The following XKR6 variants were observed in gnomAD, a reference collection of about 807,000 sequenced individuals.
XKR6 encodes XK-related protein 6.
Under a neutral mutation model 56.7 loss-of-function variants are expected in XKR6, and 22 were observed. The observed-to-expected ratio is 0.39, with a 90% CI of 0.28 to 0.55. The LOEUF is 0.55. Ranked by LOEUF, XKR6 falls within the 20% of genes least tolerant of loss-of-function variation. XKR6 has a pLI of 0.66. For missense variants in XKR6, 852 were observed against 889.0 expected (o/e 0.96, Z 0.53); for synonymous variants, 524 against 387.8 (o/e 1.35, Z -4.13).
At chr8:10,967,584 C>T (rs1051190083) in intron 1 of XKR6, among the ~76,000 whole-genome samples, 5 of 152,276 alleles carry the variant, frequency 3.3e-5, no homozygotes, top group East Asian at 1.9e-4. Flanking sequence ...GAGTGCCCAG[C>T]CCTGGAGCTG....
chr8:11,026,753 A>G (rs548355452), intron 1 of XKR6, among the ~76,000 whole-genome samples: 2,999 of 150,700 alleles, frequency 0.02, 101 homozygotes, highest in African/African-American at 0.069. Flanking sequence ...GGTCTAGCCT[A>G]CTACACATCT....
intron 1 of XKR6, among the ~76,000 whole-genome samples, chr8:10,999,238 T>A (rs1798185451): frequency 6.6e-6 from 1 of 152,230 alleles, no homozygotes; most frequent in Non-Finnish European, 1.5e-5. Flanking sequence ...GGCAACAAGT[T>A]GTATATCCAA....
intron 1 of XKR6, among the ~76,000 whole-genome samples, chr8:10,937,691 G>A (rs1294511427): frequency 1.4e-5 from 2 of 148,004 alleles, no homozygotes; most frequent in South Asian, 2.2e-4. Flanking sequence ...CTGCTGGGGG[G>A]TGCCTCCCAG....
At chr8:10,928,463 C>G (rs1800961172) in intron 1 of XKR6, among the ~76,000 whole-genome samples, 1 of 152,274 alleles carries the variant, frequency 6.6e-6, no homozygotes, top group Non-Finnish European at 1.5e-5. Context: ...CCCTAAACCC[C>G]TGGGCCAGCG....
intron 1 of XKR6, among the ~76,000 whole-genome samples, chr8:11,111,226 T>G (rs1798875838): frequency 6.6e-6 from 1 of 152,132 alleles, no homozygotes; most frequent in Non-Finnish European, 1.5e-5. Context: ...TCCCTTCCAT[T>G]CACACTGTCT....
intron 1 of XKR6, among the ~76,000 whole-genome samples, chr8:10,927,763 T>G (rs1800936735): frequency 6.6e-6 from 1 of 152,076 alleles, no homozygotes; most frequent in South Asian, 2.1e-4. Flanking sequence ...CTCCTGGGTG[T>G]GAGCACCCCA....
chr8:11,012,627 T>A (rs1173881305), intron 1 of XKR6, among the ~76,000 whole-genome samples: 1 of 99,496 alleles, frequency 1.0e-5, no homozygotes, highest in Non-Finnish European at 2.0e-5. Context: ...CCCCCTCACC[T>A]CCCCCTAGCT....
At chr8:11,030,079 C>G (rs1798957244) in intron 1 of XKR6, among the ~76,000 whole-genome samples, 1 of 152,166 alleles carries the variant, frequency 6.6e-6, no homozygotes, top group South Asian at 2.1e-4. Flanking sequence ...CTAGTATTCC[C>G]AGACTGCAGG....
rs1447335830 is a variant in XKR6 at position 10,896,199 on chromosome 8, G to C, written c.*1753C>G. 2.7e-5 allele frequency: 4 copies of C among 150,264 alleles called. No homozygotes were observed. The highest frequency in any genetic ancestry group is 9.8e-5 in the African/African-American group (4 of 40,730). The allele number at this position is 150,264 out of a possible 1,614,324, so 9.3% of individuals were successfully genotyped here. On this transcript the variant is annotated 3_prime_UTR_variant, in exon 3 of 3. Transcript: ENST00000416569. The stretch of plus-strand genomic sequence containing the variant: ...GCGATTGAAACGATGCCCTAGAACA[G>C]AAATATTCTTTAAAGGAACAATACT...
At position 10,897,831 on chromosome 8, in the gene XKR6, C is replaced by A; in HGVS notation, c.*121G>T. 3.2e-6 allele frequency: 4 copies of A among 1,236,468 alleles called. 1 individual carries two copies. The highest frequency in any genetic ancestry group is 4.4e-6 in the Non-Finnish European group (4 of 918,758). The allele number at this position is 1,236,468 out of a possible 1,614,324, so 76.6% of individuals were successfully genotyped here. On this transcript the variant is annotated 3_prime_UTR_variant, in exon 3 of 3. Transcript: ENST00000416569. ...TTTTGTAGTGGTGGTGTTGGTGTGGCGGTGTTGGTGGTGGTGGCGGTGGTT... is the reference window on the plus strand; with the variant it reads ...TTTTGTAGTGGTGGTGTTGGTGTGGAGGTGTTGGTGGTGGTGGCGGTGGTT...
chr8:11,102,101 AAC>A (rs1487619358), intron 1 of XKR6, among the ~76,000 whole-genome samples: 2 of 152,164 alleles, frequency 1.3e-5, no homozygotes, highest in Non-Finnish European at 2.9e-5. Context: ...GAAAAATTTC[AAC>A]AGTTCTTTTC....
chr8:10,913,042 G>GTA (rs59430151), intron 2 of XKR6, among the ~76,000 whole-genome samples: 46,696 of 148,534 alleles, frequency 0.31, 8,022 homozygotes, highest in African/African-American at 0.43. Context: ...GTGTGTGCTT[G>GTA]TATATATATA....
At chr8:11,070,049 G>C (rs1198304150) in intron 1 of XKR6, among the ~76,000 whole-genome samples, 1 of 152,190 alleles carries the variant, frequency 6.6e-6, no homozygotes, top group African/African-American at 2.4e-5. Context: ...GAATTAAGCA[G>C]AACTCTTCCT....
intron 1 of XKR6, among the ~76,000 whole-genome samples, chr8:10,951,167 T>C (rs1279145286): frequency 6.6e-6 from 1 of 152,200 alleles, no homozygotes; most frequent in African/African-American, 2.4e-5. Context: ...CCCAGGTCCC[T>C]GCCCTTGGAA....
chr8:11,080,704 G>A (rs1258171687), intron 1 of XKR6, among the ~76,000 whole-genome samples: 2 of 152,222 alleles, frequency 1.3e-5, no homozygotes, highest in African/African-American at 4.8e-5. Context: ...GGAGGAGGAG[G>A]AGCCAGGTGG....
At chr8:11,076,290 G>A (rs1250651857) in intron 1 of XKR6, among the ~76,000 whole-genome samples, 1 of 152,154 alleles carries the variant, frequency 6.6e-6, no homozygotes, top group Non-Finnish European at 1.5e-5. Context: ...GTTCTGGAGT[G>A]GATGGTGGTG....
chr8:11,132,014 G>A (rs929991404), intron 1 of XKR6, among the ~76,000 whole-genome samples: 1 of 152,114 alleles, frequency 6.6e-6, no homozygotes, highest in African/African-American at 2.4e-5. Context: ...CTGGCCCGAA[G>A]AGCCATTATC....
chr8:11,137,408 G>A (rs1170304453), intron 1 of XKR6: 4 of 361,326 alleles, frequency 1.1e-5, no homozygotes, highest in Non-Finnish European at 1.6e-5. Flanking sequence ...ATTCTAGCTA[G>A]AATAGTGAGA....
chr8:10,995,047 T>C (rs1271933154), intron 1 of XKR6, among the ~76,000 whole-genome samples: 3 of 152,166 alleles, frequency 2.0e-5, no homozygotes, highest in African/African-American at 7.2e-5. Context: ...ACGAACAGCA[T>C]TGTCTGAGAA....
Sources: allele counts gnomAD v4.1 joint callset (sites outside exome capture counted in the v4.1 genomes callset), GRCh38; gene constraint gnomAD v4.1.1; transcripts MANE v1.5; gene names NCBI Gene and HGNC (gene_info 2026-07-23, HGNC 2026-07-21).